SV2B: variants seen among roughly 807,000 people sequenced by gnomAD.
The protein encoded by SV2B is solute carrier family 22 member B2.
Under a neutral mutation model 73.9 loss-of-function variants are expected in SV2B, and 41 were observed. The observed-to-expected ratio is 0.56, with a 90% CI of 0.43 to 0.72. The LOEUF is 0.72. Among genes scored for constraint, SV2B ranks in the 30% least tolerant of loss-of-function variants. The pLI, the probability that SV2B is intolerant of heterozygous loss-of-function variation, is 0.00. For missense variants in SV2B, 764 were observed against 857.8 expected (o/e 0.89, Z 1.37); for synonymous variants, 314 against 314.2 (o/e 1.00, Z 0.01).
intron 9 of SV2B, among the ~76,000 whole-genome samples, chr15:91,273,419 A>T (rs1321384419): frequency 6.6e-6 from 1 of 152,162 alleles, no homozygotes; most frequent in Non-Finnish European, 1.5e-5. Flanking sequence ...TCTGTAGCTT[A>T]CTCCAGGTCC....
chr15:91,158,619 TTTCTTTTATTTTCC>T (rs1236728435), intron 1 of SV2B, among the ~76,000 whole-genome samples: 1 of 135,322 alleles, frequency 7.4e-6, no homozygotes, highest in Non-Finnish European at 1.6e-5. Flanking sequence ...AGGGTGGCCT[TTTCTTTTATTTTCC>T]CTCTTCTCTT....
intron 1 of SV2B, among the ~76,000 whole-genome samples, chr15:91,221,690 T>TGCGCACGCGCGCGCACGC (rs1555486410): frequency 7.2e-5 from 8 of 110,940 alleles, no homozygotes; most frequent in African/African-American, 2.4e-4. Flanking sequence ...ACCAAGCATG[T>TGCGCACGCGCGCGCACGC]GCGCACACAC....
intron 1 of SV2B, among the ~76,000 whole-genome samples, chr15:91,150,438 C>T (rs2043280378): frequency 6.6e-6 from 1 of 152,166 alleles, no homozygotes; most frequent in South Asian, 2.1e-4. Flanking sequence ...ATATTTCCTC[C>T]TGAATTATTA....
In SV2B at chr15:91,252,280, C is replaced by A; in HGVS notation, c.633-89C>A. The A allele has an allele frequency of 6.6e-7, 1 of 1,509,674 alleles. No individual in the cohort carries two copies. The highest frequency in any genetic ancestry group is 8.9e-7 in the Non-Finnish European group (1 of 1,120,174). 93.5% of individuals were successfully genotyped at this position (1,509,674 alleles called of 1,614,324 possible). A position where few individuals can be genotyped will look rare whatever the true frequency, so the allele number is the denominator to read the frequency against. ...TCACTGGGTCCTTTCACCACAGAGCCTAAGGTGGGGTATAGGCAACTTGGT... is the reference window on the plus strand; with the variant it reads ...TCACTGGGTCCTTTCACCACAGAGCATAAGGTGGGGTATAGGCAACTTGGT... On this transcript the variant is annotated intron_variant, in intron 3 of 12. Transcript: ENST00000394232. This position sits in a 1 kb window ranked among gnomAD's most constrained non-coding sequence, Gnocchi z 4.6.
chr15:91,248,458 T>A (rs1409873942), intron 2 of SV2B, among the ~76,000 whole-genome samples: 1 of 152,346 alleles, frequency 6.6e-6, no homozygotes, highest in African/African-American at 2.4e-5. Flanking sequence ...TTTACATTTT[T>A]AAAAAATTAA....
chr15:91,268,640 G>A lies in SV2B; in HGVS notation c.1373+35G>A. Reference sequence around the variant, plus strand: ...TGATCACGGGCTTCCCTCACATCAGGGTGACAGTCGTGGGGACTGTTATTG... The same window carrying A: ...TGATCACGGGCTTCCCTCACATCAGAGTGACAGTCGTGGGGACTGTTATTG... On this transcript the variant is annotated intron_variant, in intron 9 of 12. Coordinates refer to ENST00000394232, the MANE Select transcript of SV2B (RefSeq NM_001323032.3). The surrounding 1 kb of genome is among the most constrained non-coding windows in gnomAD (Gnocchi z 4.4). 2 of 1,596,896 alleles carry A rather than the reference G, an allele frequency of 1.3e-6. No individual in the cohort carries two copies. Among genetic ancestry groups the A allele is most frequent in the Non-Finnish European group, 1.7e-6 (2 of 1,166,916 alleles).
intron 1 of SV2B, among the ~76,000 whole-genome samples, chr15:91,163,979 C>T (rs1236565845): frequency 7.9e-5 from 12 of 152,274 alleles, no homozygotes; most frequent in East Asian, 7.7e-4. Context: ...GCTTTCTACA[C>T]ATGGCTAGCC....
At chr15:91,111,526 G>C (rs2042035180) in intron 1 of SV2B, among the ~76,000 whole-genome samples, 1 of 152,218 alleles carries the variant, frequency 6.6e-6, no homozygotes, top group Non-Finnish European at 1.5e-5. Flanking sequence ...CGGGGGGCCA[G>C]GCAAAGCTAT....
chr15:91,170,320 C>T (rs1024599377), intron 1 of SV2B, among the ~76,000 whole-genome samples: 3 of 152,120 alleles, frequency 2.0e-5, no homozygotes, highest in African/African-American at 7.2e-5. Context: ...TGGAGTCTCA[C>T]TCTGTCACCC....
At position 91,141,052 on chromosome 15, in the gene SV2B, T is replaced by C. The variant is rs146274059; in HGVS notation, c.-392+40689T>C. Among the ~76,000 whole-genome samples, 6 of 152,348 alleles carry C rather than the reference T, an allele frequency of 3.9e-5. No individual in the cohort carries two copies. In the East Asian group the frequency reaches 7.7e-4, roughly 20 times the overall value. ...ACAAGCACTCAGGTGGCAGGACTTATAGCTAAGAGTGGCATAGGATCACAC... is the reference window on the plus strand; with the variant it reads ...ACAAGCACTCAGGTGGCAGGACTTACAGCTAAGAGTGGCATAGGATCACAC... On this transcript the variant is annotated intron_variant, in intron 1 of 12. Transcript: ENST00000394232. This position sits in a 1 kb window ranked among gnomAD's most constrained non-coding sequence, Gnocchi z 4.6.
chr15:91,267,429 G>T lies in SV2B; in HGVS notation c.1120-126G>T. ...AGTTTTGCTGCCTCTAGGAGACAGT[G>T]GGGTACCGGTTCTCTCCATGGGTTC... On this transcript the variant is annotated intron_variant, in intron 7 of 12. Transcript: ENST00000394232. This position sits in a 1 kb window ranked among gnomAD's most constrained non-coding sequence, Gnocchi z 4.3. 2.7e-6 allele frequency: 2 copies of T among 752,398 alleles called. No homozygotes were observed. The highest frequency in any genetic ancestry group is 2.3e-6 in the Non-Finnish European group (1 of 438,764). The allele number at this position is 752,398 out of a possible 1,614,324, so 46.6% of individuals were successfully genotyped here.
intron 1 of SV2B, among the ~76,000 whole-genome samples, chr15:91,217,539 A>T (rs2046075784): frequency 6.6e-6 from 1 of 152,220 alleles, no homozygotes; most frequent in East Asian, 1.9e-4. Flanking sequence ...TGTTGTGCAC[A>T]TGTACCCTAG....
intron 9 of SV2B, among the ~76,000 whole-genome samples, chr15:91,273,085 G>A (rs1383880254): frequency 6.6e-6 from 1 of 151,912 alleles, no homozygotes; most frequent in Non-Finnish European, 1.5e-5. Context: ...CGCCCCCCTC[G>A]GCCTCCCAAA....
At chr15:91,133,652 G>T (rs958567679) in intron 1 of SV2B, among the ~76,000 whole-genome samples, 2 of 152,112 alleles carry the variant, frequency 1.3e-5, no homozygotes, top group African/African-American at 4.8e-5. Flanking sequence ...GGTGCTCGCT[G>T]GCTGCTGTCT....
At position 91,288,784 on chromosome 15, in the gene SV2B, T is replaced by G. The variant is rs1198489025; in HGVS notation, c.1709-737T>G. On this transcript the variant is annotated intron_variant, in intron 11 of 12. Coordinates refer to ENST00000394232, the MANE Select transcript of SV2B (RefSeq NM_001323032.3). The surrounding 1 kb of genome is among the most constrained non-coding windows in gnomAD (Gnocchi z 5.8). ...CCTCTGCCTCCCAGCTTCAAATAATTCTCGTGCCTCAGCCTCCCAAGTAGC... is the reference window on the plus strand; with the variant it reads ...CCTCTGCCTCCCAGCTTCAAATAATGCTCGTGCCTCAGCCTCCCAAGTAGC... Among the ~76,000 whole-genome samples the G allele has an allele frequency of 6.6e-6, 1 of 152,050 alleles. No homozygotes were observed.
At chr15:91,249,882 G>A (rs200296317) in intron 2 of SV2B, among the ~76,000 whole-genome samples, 16,502 of 152,078 alleles carry the variant, frequency 0.11, 893 homozygotes, top group Non-Finnish European at 0.12. Context: ...AAAACCTCTC[G>A]ACGAAGAAAA....
intron 2 of SV2B, among the ~76,000 whole-genome samples, chr15:91,238,668 A>G (rs2141548456): frequency 6.6e-6 from 1 of 152,304 alleles, no homozygotes; most frequent in African/African-American, 2.4e-5. Flanking sequence ...GTGGGTGTAA[A>G]ATCAGCACCC....
rs779183972 is a variant in SV2B, at chr15:91,266,732, A to C, written c.1119+40A>C. The C allele has an allele frequency of 1.0e-5, 15 of 1,502,294 alleles. No homozygotes were observed. In the South Asian group the frequency reaches 1.4e-4, roughly 14 times the overall value. 93.1% of individuals were successfully genotyped at this position (1,502,294 alleles called of 1,614,324 possible). A position where few individuals can be genotyped will look rare whatever the true frequency, so the allele number is the denominator to read the frequency against. ...TTACTTTGGATGAGGATGCGTCTCT[A>C]TGGGAGTCTCTTACCTTAGTGGATG... On this transcript the variant is annotated intron_variant, in intron 7 of 12. Coordinates refer to ENST00000394232, the MANE Select transcript of SV2B (RefSeq NM_001323032.3).
chr15:91,237,115 A>G (rs943305096), intron 2 of SV2B, among the ~76,000 whole-genome samples: 1 of 152,212 alleles, frequency 6.6e-6, no homozygotes, highest in Non-Finnish European at 1.5e-5. Context: ...TCCATCTTCT[A>G]ATGGAGGAAA....
Sources: gnomAD v4.1 joint callset for allele counts (sites outside exome capture counted in the v4.1 genomes callset) on GRCh38, gnomAD v4.1.1 for gene constraint, Gnocchi (gnomAD v3.1) non-coding constraint, MANE v1.5 for transcripts, NCBI Gene and HGNC (gene_info 2026-07-23, HGNC 2026-07-21) for gene names.